The following ITGA4 variants were observed in gnomAD, a reference collection of about 807,000 sequenced individuals.
ITGA4 encodes the protein integrin subunit alpha 4, also known as integrin alpha-4.
A neutral mutation model predicts 133.6 loss-of-function variants in ITGA4; 63 were observed. The ratio of observed to expected loss-of-function variants is 0.47; its 90% CI spans 0.38 to 0.58. ITGA4 has a LOEUF of 0.58. Ranked by LOEUF, ITGA4 falls within the 20% of genes least tolerant of loss-of-function variation. ITGA4 has a pLI of 0.00. For missense variants in ITGA4, 1,076 were observed against 1,252.7 expected (o/e 0.86, Z 2.13); for synonymous variants, 483 against 438.0 (o/e 1.10, Z -1.28).
intron 15 of ITGA4, among the ~76,000 whole-genome samples, chr2:181,506,710 A>G (rs982510773): frequency 6.6e-6 from 1 of 152,122 alleles, no homozygotes. Context: ...ATAGCAACAC[A>G]GCAATAATAT....
intron 24 of ITGA4, among the ~76,000 whole-genome samples, chr2:181,531,197 AC>A (rs1199610116): frequency 6.6e-6 from 1 of 152,070 alleles, no homozygotes; most frequent in Admixed American, 6.6e-5. Context: ...ATTGTTCCAG[AC>A]CCTTCAGGAC....
chr2:181,483,621 T>C (rs1685852652), intron 9 of ITGA4, among the ~76,000 whole-genome samples: 1 of 152,208 alleles, frequency 6.6e-6, no homozygotes, highest in South Asian at 2.1e-4. Flanking sequence ...GTTTGCAATA[T>C]AGAGCAGGGA....
At chr2:181,478,408 C>T (rs1003243274) in intron 4 of ITGA4, among the ~76,000 whole-genome samples, 5 of 151,930 alleles carry the variant, frequency 3.3e-5, no homozygotes, top group African/African-American at 4.8e-5. Context: ...ACTATGTATA[C>T]GCATATCAAA....
At chr2:181,489,029 A>G (rs931595346) in intron 10 of ITGA4, among the ~76,000 whole-genome samples, 2 of 152,118 alleles carry the variant, frequency 1.3e-5, no homozygotes, top group Non-Finnish European at 2.9e-5. Flanking sequence ...AGGAATTTAC[A>G]AGTTATTTTT....
In ITGA4 at chr2:181,511,790, T is replaced by A. The variant is rs200315179; in HGVS notation, c.1922+15T>A. ...GGGTTTTTGAAGTAAGTATATGTGGTATATAGTCTCTGTTATTCATCGAGA... is the reference window on the plus strand; with the variant it reads ...GGGTTTTTGAAGTAAGTATATGTGGAATATAGTCTCTGTTATTCATCGAGA... On this transcript the variant is annotated intron_variant, in intron 17 of 27. Transcript: ENST00000397033. 6.5e-5 allele frequency: 83 copies of A among 1,281,358 alleles called. 1 individual carries two copies. Among genetic ancestry groups the A allele is most frequent in the Non-Finnish European group, 9.1e-5 (80 of 882,266 alleles). The allele number at this position is 1,281,358 out of a possible 1,614,324, so 79.4% of individuals were successfully genotyped here.
At chr2:181,460,568 TGTGTG>T (rs1163329992) in intron 2 of ITGA4, among the ~76,000 whole-genome samples, 1 of 60,870 alleles carries the variant, frequency 1.6e-5, no homozygotes. Context: ...TGTAGAAGAG[TGTGTG>T]TGTGTGTGTG....
At chr2:181,531,403 A>T (rs1686942102) in intron 24 of ITGA4, among the ~76,000 whole-genome samples, 1 of 152,204 alleles carries the variant, frequency 6.6e-6, no homozygotes, top group African/African-American at 2.4e-5. Context: ...CTGTCCCAGA[A>T]GATTATGTTA....
In ITGA4 at chr2:181,537,880, G is replaced by C; in HGVS notation, c.*2353G>C. The C allele has an allele frequency of 1.8e-6, 1 of 541,228 alleles. No individual in the cohort carries two copies. Among genetic ancestry groups the C allele is most frequent in the South Asian group, 1.5e-5 (1 of 65,274 alleles). 33.5% of individuals were successfully genotyped at this position (541,228 alleles called of 1,614,324 possible). On this transcript the variant is annotated 3_prime_UTR_variant, in exon 28 of 28. Coordinates refer to ENST00000397033, the MANE Select transcript of ITGA4 (RefSeq NM_000885.6). ...TTTGGCCACACAGCAGGAGGTTAGA[G>C]CAATGGAGCATTACTGAGTTCCTCC...
Position 181,480,169 on chromosome 2 carries a change from T to C in ITGA4, c.657T>C (p.Ser219=). 2 of 1,565,044 alleles carry C rather than the reference T, an allele frequency of 1.3e-6. No individual in the cohort carries two copies. The highest frequency in any genetic ancestry group is 1.7e-6 in the Non-Finnish European group (2 of 1,158,734). The stretch of plus-strand genomic sequence containing the variant: ...TTGTGATGGGGGCCCCAGGATCATC[T>C]TACTGGACTGGCTCTCTTTTTGTCT... The part of the protein sequence containing the change: ...DLIVMGAPGS[S]YWTGSLFVYN... Residue 219 remains serine, a synonymous_variant, in exon 6 of 28, where the codon TCT becomes TCC. Coordinates refer to ENST00000397033, the MANE Select transcript of ITGA4 (RefSeq NM_000885.6).
intron 20 of ITGA4, 55 bp downstream of exon 20, chr2:181,524,305 G>T (rs1212815350): frequency 2.1e-6 from 2 of 963,942 alleles, no homozygotes; most frequent in African/African-American, 3.4e-5. Flanking sequence ...ATTCTGAGGG[G>T]GGGGAATTAG....
intron 14 of ITGA4, chr2:181,498,368 T>C (rs1686200120): frequency 4.6e-6 from 1 of 218,158 alleles, no homozygotes; most frequent in South Asian, 1.6e-4. Flanking sequence ...ATTAAGCAAA[T>C]AACTAAAGAT....
chr2:181,524,096 T>C (rs1574411189), intron 19 of ITGA4, 75 bp from the exon 20 acceptor site: 6 of 955,916 alleles, frequency 6.3e-6, no homozygotes, highest in Non-Finnish European at 9.6e-6. Flanking sequence ...CATAAACTTT[T>C]AAGAAAAAAA....
Position 181,482,390 on chromosome 2 carries a change from CTAAA to C in ITGA4, c.874_877del (p.Asn292SerfsTer5). The C allele has an allele frequency of 6.2e-7, 1 of 1,612,766 alleles. No homozygotes were observed. The highest frequency in any genetic ancestry group is 8.5e-7 in the Non-Finnish European group (1 of 1,179,296). On this transcript the variant is annotated frameshift_variant, in exon 8 of 28. Coordinates refer to ENST00000397033, the MANE Select transcript of ITGA4 (RefSeq NM_000885.6). LOFTEE classifies it high-confidence loss of function. Reference sequence around the variant, plus strand: ...TATATTCAGCATTGATGAAAAAGAACTAAATATCTTACATGAAATGAAAGGTAAA... The same window carrying C: ...TATATTCAGCATTGATGAAAAAGAACTATCTTACATGAAATGAAAGGTAAA...
At chr2:181,525,111 G>C (rs1686806061) in intron 20 of ITGA4, 91 bp from the exon 21 acceptor site, 1 of 668,096 alleles carries the variant, frequency 1.5e-6, no homozygotes, top group Admixed American at 2.4e-5. Context: ...GCAAACCTCT[G>C]AGTATATTAG....
chr2:181,526,891 G>C (rs1686844032), intron 21 of ITGA4, among the ~76,000 whole-genome samples: 1 of 134,798 alleles, frequency 7.4e-6, no homozygotes, highest in Non-Finnish European at 1.5e-5. Context: ...GAGGGCAGCG[G>C]TGTGACCTCA....
At chr2:181,527,454 A>C (rs1203464097) in intron 22 of ITGA4, 67 bp downstream of exon 22, 1 of 1,088,596 alleles carries the variant, frequency 9.2e-7, no homozygotes, top group Non-Finnish European at 1.4e-6. Flanking sequence ...CATTGCTCCA[A>C]GGGACATTGT....
intron 10 of ITGA4, chr2:181,492,985 G>T: frequency 1.1e-5 from 2 of 190,104 alleles, no homozygotes; most frequent in Non-Finnish European, 2.2e-5. Context: ...TGAGGGAATT[G>T]AAACACAGAT....
intron 17 of ITGA4, among the ~76,000 whole-genome samples, chr2:181,515,850 C>A (rs1396063510): frequency 6.6e-6 from 1 of 152,074 alleles, no homozygotes; most frequent in African/African-American, 2.4e-5. Flanking sequence ...TACATTCTCC[C>A]AGCTATAACT....
At chr2:181,531,355 C>G (rs925466058) in intron 24 of ITGA4, among the ~76,000 whole-genome samples, 1 of 152,092 alleles carries the variant, frequency 6.6e-6, no homozygotes, top group African/African-American at 2.4e-5. Flanking sequence ...GAATACGTAA[C>G]TTAGCAAGAC....
Sources: allele counts gnomAD v4.1 joint callset (sites outside exome capture counted in the v4.1 genomes callset), GRCh38; gene constraint gnomAD v4.1.1; transcripts MANE v1.5; gene names NCBI Gene and HGNC (gene_info 2026-07-23, HGNC 2026-07-21).